TXNRD2: variants seen among roughly 807,000 people sequenced by gnomAD.
The protein encoded by TXNRD2 is thioredoxin reductase 2, mitochondrial.
TXNRD2 carries 67 observed loss-of-function variants against 70.8 expected under a neutral mutation model. The observed-to-expected ratio is 0.95, with a 90% CI of 0.78 to 1.16. The LOEUF (loss-of-function observed/expected upper bound fraction) is 1.16, where lower values mean the gene tolerates loss of function less well. Among genes scored for constraint, TXNRD2 ranks in the 50% most tolerant of loss-of-function variants. The pLI, the probability that TXNRD2 is intolerant of heterozygous loss-of-function variation, is 0.00. For missense variants in TXNRD2, 644 were observed against 719.9 expected (o/e 0.89, Z 1.21); for synonymous variants, 301 against 295.8 (o/e 1.02, Z -0.18).
chr22:19,914,641 G>A (rs1940554199), intron 7 of TXNRD2, among the ~76,000 whole-genome samples: 1 of 152,112 alleles, frequency 6.6e-6, no homozygotes, highest in African/African-American at 2.4e-5. Context: ...TAGGGGCTGG[G>A]GGAGGAGGCG....
intron 2 of TXNRD2, among the ~76,000 whole-genome samples, chr22:19,922,969 G>A (rs889029206): frequency 2.0e-5 from 3 of 152,136 alleles, no homozygotes; most frequent in Admixed American, 6.5e-5. Context: ...TTACAGGCGT[G>A]AGCCACCATG....
Position 19,880,227 on chromosome 22 carries a change from C to T in TXNRD2, c.1227G>A (p.Gly409=). ...GAGCCACTGCCTCCTCCTCGGACAG[C>T]CCCACACAGCCATACTCCAGCGGGG... is the stretch of plus-strand genomic sequence containing the variant. ...VFTPLEYGCV[G]LSEEEAVARH... is the part of the protein sequence containing the mutation. The change falls in exon 14 of 18, where the codon GGG becomes GGA. Residue 409 remains glycine, a synonymous_variant. Transcript: ENST00000400521. The T allele has an allele frequency of 6.2e-7, 1 of 1,613,758 alleles. No individual in the cohort carries two copies. The highest frequency in any genetic ancestry group is 1.1e-5 in the South Asian group (1 of 91,088).
chr22:19,911,981 G>A (rs572635602), intron 7 of TXNRD2, among the ~76,000 whole-genome samples: 292 of 152,294 alleles, frequency 1.9e-3, no homozygotes, highest in Non-Finnish European at 2.0e-3. Flanking sequence ...CCAGCCAGAG[G>A]AGAGGAGGCA....
chr22:19,941,602 C>T, intron 1 of TXNRD2, 99 bp downstream of exon 1: 1 of 1,345,968 alleles, frequency 7.4e-7, no homozygotes, highest in East Asian at 3.1e-5. Flanking sequence ...GCGTGGGCAC[C>T]CCCACGGGGA....
rs370505160 is a variant in TXNRD2 at position 19,918,126 on chromosome 22, G to A, written c.449+17C>T. On this transcript the variant is annotated intron_variant, in intron 5 of 17. Transcript: ENST00000400521. The stretch of plus-strand genomic sequence containing the variant: ...AAGGCCCAGAGGGCGGCCCATTCCC[G>A]GAGAGAGCTTCAGTACCTGTCCTGA... 3.8e-5 allele frequency: 61 copies of A among 1,613,088 alleles called. No individual in the cohort carries two copies. The Middle Eastern group carries it at 6.8e-4, about 18-fold the overall frequency.
intron 8 of TXNRD2, among the ~76,000 whole-genome samples, chr22:19,909,867 ACAC>A: frequency 1.1e-5 from 1 of 90,262 alleles, no homozygotes; most frequent in Non-Finnish European, 2.0e-5. Context: ...CACCACACAC[ACAC>A]CACTCACACA....
At chr22:19,910,021 T>C (rs1361619624) in intron 8 of TXNRD2, among the ~76,000 whole-genome samples, 2 of 150,108 alleles carry the variant, frequency 1.3e-5, no homozygotes, top group African/African-American at 2.5e-5. Context: ...ACGCACACCA[T>C]GCACATTCGG....
rs35285035 is a variant in TXNRD2 at position 19,905,914 on chromosome 22, T to TAA, written c.662+5461_662+5462dup. On this transcript the variant is annotated intron_variant, in intron 8 of 17. Transcript: ENST00000400521. ...ACGCCCATAAGGAAAATACAGGGCT[T>TAA]AAAAAAAAAAAAAAAAAATCTTGGG... is the stretch of plus-strand genomic sequence containing the variant. Among the ~76,000 whole-genome samples, 83 of 132,352 alleles carry TAA rather than the reference T, an allele frequency of 6.3e-4. 2 individuals carry two copies. The highest frequency in any genetic ancestry group is 6.2e-3 in the East Asian group (29 of 4,710). The allele number at this position is 132,352 out of a possible 152,430, so 86.8% of individuals were successfully genotyped here. A position where few individuals can be genotyped will look rare whatever the true frequency, so the allele number is the denominator to read the frequency against.
At chr22:19,877,957 A>G (rs1206579634) in intron 16 of TXNRD2, 133 bp downstream of exon 16, 3 of 785,794 alleles carry the variant, frequency 3.8e-6, no homozygotes, top group Non-Finnish European at 6.6e-6. Context: ...GGGCCTGAGG[A>G]ATCTCTGCTG....
chr22:19,911,238 A>G (rs1940394134), intron 8 of TXNRD2, 139 bp downstream of exon 8: 1 of 752,192 alleles, frequency 1.3e-6, no homozygotes, highest in African/African-American at 1.7e-5. Flanking sequence ...ACCTGGCCAC[A>G]AATAACAGGC....
At chr22:19,888,810 G>A (rs73877389) in intron 11 of TXNRD2, among the ~76,000 whole-genome samples, 4,533 of 152,310 alleles carry the variant, frequency 0.03, 93 homozygotes, top group South Asian at 0.087. Context: ...CCTTGGACCA[G>A]GCACAGAGGA....
At position 19,876,621 on chromosome 22, in the gene TXNRD2, G is replaced by A. The variant is rs149596576; in HGVS notation, c.*65+419C>T. On this transcript the variant is annotated intron_variant, in intron 17 of 17. Transcript: ENST00000400521. ...CTGGGAGATAGGGAAATGAGCGGGC[G>A]CTGAACTCTGCAGGAGCCAGGCCTT... 916 of 153,556 alleles carry A rather than the reference G, an allele frequency of 6.0e-3. 8 individuals are homozygous for A. The highest frequency in any genetic ancestry group is 0.021 in the African/African-American group (883 of 41,598). The allele number at this position is 153,556 out of a possible 1,614,324, so 9.5% of individuals were successfully genotyped here.
chr22:19,892,363 G>A (rs968668177), intron 11 of TXNRD2, among the ~76,000 whole-genome samples: 8 of 152,270 alleles, frequency 5.3e-5, no homozygotes, highest in African/African-American at 1.2e-4. Flanking sequence ...CCCCCAGCAG[G>A]CGCGCAGAAG....
At chr22:19,894,830 A>C (rs1264566611) in intron 11 of TXNRD2, 1 of 413,272 alleles carries the variant, frequency 2.4e-6, no homozygotes, top group African/African-American at 2.1e-5. Context: ...TCTACTAAAA[A>C]TACAAAAATT....
At chr22:19,906,293 GCAAA>G (rs1195686296) in intron 8 of TXNRD2, among the ~76,000 whole-genome samples, 1 of 152,136 alleles carries the variant, frequency 6.6e-6, no homozygotes, top group Non-Finnish European at 1.5e-5. Context: ...CACAGCAAAT[GCAAA>G]CAGAGTCAGA....
chr22:19,915,107 G>A (rs1940574732), intron 7 of TXNRD2, 107 bp downstream of exon 7: 1 of 978,360 alleles, frequency 1.0e-6, no homozygotes, highest in Non-Finnish European at 1.6e-6. Flanking sequence ...TAGGGGGAAA[G>A]GGTGTGCAAG....
At chr22:19,880,364 A>T in intron 13 of TXNRD2, 93 bp from the exon 14 acceptor site, 2 of 1,321,796 alleles carry the variant, frequency 1.5e-6, no homozygotes. Flanking sequence ...ATCACAGACC[A>T]GGACCAGATG....
intron 2 of TXNRD2, among the ~76,000 whole-genome samples, chr22:19,922,131 A>T (rs1281108114): frequency 6.6e-6 from 1 of 152,254 alleles, no homozygotes; most frequent in Non-Finnish European, 1.5e-5. Flanking sequence ...AGTCACACAA[A>T]GAAGCAGGAA....
intron 11 of TXNRD2, among the ~76,000 whole-genome samples, chr22:19,892,097 G>C (rs995202676): frequency 1.3e-5 from 2 of 152,260 alleles, no homozygotes; most frequent in African/African-American, 4.8e-5. Context: ...AGCCCAGCTT[G>C]TGCGGACGTA....
Sources: allele counts gnomAD v4.1 joint callset (sites outside exome capture counted in the v4.1 genomes callset), GRCh38; gene constraint gnomAD v4.1.1; transcripts MANE v1.5; gene names NCBI Gene and HGNC (gene_info 2026-07-23, HGNC 2026-07-21).